SEC63: variants seen among roughly 807,000 people sequenced by gnomAD.
The protein encoded by SEC63 is translocation protein SEC63 homolog.
A neutral mutation model predicts 116.2 loss-of-function variants in SEC63; 56 were observed. The ratio of observed to expected loss-of-function variants is 0.48; its 90% CI spans 0.39 to 0.60. SEC63 has a LOEUF of 0.60. SEC63 is among the 20% of genes least tolerant of loss of function. The pLI is 0.00. For missense variants in SEC63, 668 were observed against 900.0 expected, an observed-to-expected ratio of 0.74 and a Z score of 3.30; for synonymous variants, 273 against 294.6, an observed-to-expected ratio of 0.93 and a Z score of 0.75.
In SEC63 at chr6:107,935,854, T is replaced by C. The variant is rs142505606; in HGVS notation, c.125-6340A>G. Among the ~76,000 whole-genome samples, 4 of 152,314 alleles carry C rather than the reference T, an allele frequency of 2.6e-5. No individual in the cohort carries two copies. The East Asian group carries it at 7.7e-4, about 29-fold the overall frequency. On this transcript the variant is annotated intron_variant, in intron 1 of 20. Transcript: ENST00000369002. ...CAATTAAATGTTATGTGATTCTAAA[T>C]TGGATATTTTGCTATAAAGAACATC...
intron 2 of SEC63, among the ~76,000 whole-genome samples, chr6:107,925,910 C>T (rs1787664462): frequency 6.6e-6 from 1 of 152,132 alleles, no homozygotes; most frequent in African/African-American, 2.4e-5. Flanking sequence ...AGTGCAATGG[C>T]ACGATCTTGG....
At chr6:107,875,746 T>C (rs1413927457) in intron 19 of SEC63, among the ~76,000 whole-genome samples, 2 of 152,118 alleles carry the variant, frequency 1.3e-5, no homozygotes, top group African/African-American at 2.4e-5. Flanking sequence ...TAAGATGCTA[T>C]TTTTCACCTT....
Position 107,918,904 on chromosome 6 carries a change from C to CTTT in SEC63, c.452+2890_452+2892dup, listed in dbSNP as rs1164457296. Among the ~76,000 whole-genome samples the CTTT allele has an allele frequency of 2.2e-4, 12 of 54,752 alleles. 1 individual carries two copies. Among genetic ancestry groups the CTTT allele is most frequent in the East Asian group, 5.5e-4 (1 of 1,808 alleles). 35.9% of individuals were successfully genotyped at this position (54,752 alleles called of 152,430 possible). ...GAGGAGTTTGGTAGAAGCTGATTTCCTTTTTTTTTTTTTTTTTTTTTTTTG... is the reference window on the plus strand; with the variant it reads ...GAGGAGTTTGGTAGAAGCTGATTTCCTTTTTTTTTTTTTTTTTTTTTTTTTTTG... On this transcript the variant is annotated intron_variant, in intron 4 of 20. Transcript: ENST00000369002.
In SEC63 at chr6:107,869,575, AG is replaced by A. The variant is rs1786080475; in HGVS notation, c.*2128del. Reference sequence around the variant, plus strand: ...TATTCTCATTCCAGAGGAAAAACGAAGGGATGTGGAGTTTAGCGACTTGCTG... The same window carrying A: ...TATTCTCATTCCAGAGGAAAAACGAAGGATGTGGAGTTTAGCGACTTGCTG... On this transcript the variant is annotated 3_prime_UTR_variant, in exon 21 of 21. Transcript: ENST00000369002. 1 of 152,188 alleles carries A rather than the reference AG, an allele frequency of 6.6e-6. No individual in the cohort carries two copies. The highest frequency in any genetic ancestry group is 1.5e-5 in the Non-Finnish European group (1 of 68,020). The allele number at this position is 152,188 out of a possible 1,614,324, so 9.4% of individuals were successfully genotyped here.
At chr6:107,917,725 ACCAAAGCCTAAT>A (rs1342094936) in intron 4 of SEC63, among the ~76,000 whole-genome samples, 1 of 152,198 alleles carries the variant, frequency 6.6e-6, no homozygotes, top group Non-Finnish European at 1.5e-5. Context: ...GTTCCCTTAA[ACCAAAGCCTAAT>A]CCAAAGCAAG....
At chr6:107,897,981 T>G (rs1273886219) in intron 13 of SEC63, among the ~76,000 whole-genome samples, 2 of 152,198 alleles carry the variant, frequency 1.3e-5, no homozygotes, top group African/African-American at 4.8e-5. Flanking sequence ...AAACTAAGGT[T>G]TAGCCAGGCT....
chr6:107,876,495 T>A (rs1786269435), intron 19 of SEC63, 69 bp downstream of exon 19: 1 of 926,300 alleles, frequency 1.1e-6, no homozygotes, highest in Admixed American at 1.7e-5. Context: ...AAAAAAAAGA[T>A]ATATGAAGCA....
intron 5 of SEC63, among the ~76,000 whole-genome samples, 170 bp downstream of exon 5, chr6:107,913,196 A>C (rs972225168): frequency 4.6e-5 from 7 of 152,214 alleles, no homozygotes; most frequent in African/African-American, 1.7e-4. Flanking sequence ...CTTTCAAACT[A>C]GTCTTTAGAA....
intron 1 of SEC63, among the ~76,000 whole-genome samples, chr6:107,952,016 C>T (rs1212133364): frequency 6.6e-6 from 1 of 151,744 alleles, no homozygotes; most frequent in African/African-American, 2.4e-5. Flanking sequence ...TAATGTGTAG[C>T]CAGGGTTAAG....
intron 1 of SEC63, among the ~76,000 whole-genome samples, chr6:107,942,943 C>A (rs972480577): frequency 6.6e-5 from 10 of 152,190 alleles, no homozygotes; most frequent in Non-Finnish European, 1.5e-4. Flanking sequence ...CTGGTATTAT[C>A]ATGACTTTTT....
At chr6:107,883,191 G>A (rs1786452345) in intron 16 of SEC63, 45 bp from the exon 17 acceptor site, 1 of 1,605,728 alleles carries the variant, frequency 6.2e-7, no homozygotes, top group Non-Finnish European at 8.5e-7. Flanking sequence ...ATCTCAATGA[G>A]AACATATCAA....
At chr6:107,917,337 G>A (rs1459719095) in intron 4 of SEC63, among the ~76,000 whole-genome samples, 1 of 152,140 alleles carries the variant, frequency 6.6e-6, no homozygotes, top group Non-Finnish European at 1.5e-5. Flanking sequence ...TGAAGGCTGT[G>A]AGACCCCTAA....
rs553413629 is a variant in SEC63, at chr6:107,898,968, G to GTA, written c.1358-1239_1358-1238dup. 1.9e-3 allele frequency among the ~76,000 whole-genome samples: 283 copies of GTA among 152,260 alleles called. 1 individual carries two copies. Among genetic ancestry groups the GTA allele is most frequent in the African/African-American group, 6.2e-3 (256 of 41,548 alleles). On this transcript the variant is annotated intron_variant, in intron 13 of 20. Coordinates refer to ENST00000369002, the MANE Select transcript of SEC63 (RefSeq NM_007214.5). ...CAGCTGGGTATCAACAAAGGGTATGGTATCCCTTCTTCACCCTGGAAGTCT... is the reference window on the plus strand; with the variant it reads ...CAGCTGGGTATCAACAAAGGGTATGGTATATCCCTTCTTCACCCTGGAAGTCT...
chr6:107,904,200 A>G (rs1787083456), intron 11 of SEC63, among the ~76,000 whole-genome samples: 2 of 151,786 alleles, frequency 1.3e-5, no homozygotes, highest in East Asian at 3.9e-4. Context: ...TCACGAGGTC[A>G]GGAGATGGAG....
chr6:107,945,198 CA>C (rs1379632671), intron 1 of SEC63, among the ~76,000 whole-genome samples: 2 of 744 alleles, frequency 2.7e-3, no homozygotes, highest in East Asian at 0.013. Flanking sequence ...GACTCCGTCT[CA>C]AAAAAAAAAA....
chr6:107,938,077 CTGA>C (rs2114501983), intron 1 of SEC63, among the ~76,000 whole-genome samples: 1 of 152,228 alleles, frequency 6.6e-6, no homozygotes, highest in South Asian at 2.1e-4. Context: ...AACTGTAAAG[CTGA>C]TATTTTAAAA....
chr6:107,935,745 T>TG (rs1404395619), intron 1 of SEC63, among the ~76,000 whole-genome samples: 1 of 151,468 alleles, frequency 6.6e-6, no homozygotes, highest in African/African-American at 2.4e-5. Context: ...CCTATGACCC[T>TG]GCCAACTCCC....
At chr6:107,943,057 A>C (rs1441570305) in intron 1 of SEC63, among the ~76,000 whole-genome samples, 2 of 152,204 alleles carry the variant, frequency 1.3e-5, no homozygotes, top group Non-Finnish European at 2.9e-5. Context: ...AATACAAGAG[A>C]ACCTCAAGAG....
At chr6:107,902,395 ATTT>A (rs1036601128) in intron 12 of SEC63, among the ~76,000 whole-genome samples, 1 of 152,080 alleles carries the variant, frequency 6.6e-6, no homozygotes, top group African/African-American at 2.4e-5. Flanking sequence ...ATTTACACAA[ATTT>A]TTGTTATATC....
Sources: allele counts gnomAD v4.1 joint callset (sites outside exome capture counted in the v4.1 genomes callset), GRCh38; gene constraint gnomAD v4.1.1; transcripts MANE v1.5; gene names NCBI Gene and HGNC (gene_info 2026-07-23, HGNC 2026-07-21).